Variants in KIAA0232 observed in about 807,000 individuals in gnomAD.
The protein encoded by KIAA0232 is KIAA0232.
In KIAA0232, 27 loss-of-function variants were observed where a neutral mutation model predicts 122.0. The ratio of observed to expected loss-of-function variants is 0.22; its 90% CI spans 0.16 to 0.31. KIAA0232 has a LOEUF of 0.31. Among genes scored for constraint, KIAA0232 ranks in the 10% least tolerant of loss-of-function variants. The pLI is 1.00. For missense variants in KIAA0232, 1,551 were observed against 1,634.2 expected (o/e 0.95, Z 0.88); for synonymous variants, 613 against 587.6 (o/e 1.04, Z -0.63).
At chr4:6,865,461 G>A (rs944413941) in intron 7 of KIAA0232, among the ~76,000 whole-genome samples, 11 of 152,170 alleles carry the variant, frequency 7.2e-5, no homozygotes, top group Non-Finnish European at 8.8e-5. Flanking sequence ...CACCACGCCC[G>A]GCTAATTATT....
At chr4:6,850,307 C>G (rs894812943) in intron 4 of KIAA0232, among the ~76,000 whole-genome samples, 3 of 152,164 alleles carry the variant, frequency 2.0e-5, no homozygotes, top group Non-Finnish European at 2.9e-5. Context: ...TGTACGCTTT[C>G]CTAATGACTT....
intron 1 of KIAA0232, among the ~76,000 whole-genome samples, chr4:6,803,833 G>C (rs1332455757): frequency 6.6e-6 from 1 of 151,882 alleles, no homozygotes; most frequent in Non-Finnish European, 1.5e-5. Context: ...CATTTACCTT[G>C]TAACATAGTA....
chr4:6,862,110 T>C lies in KIAA0232; in HGVS notation c.1728T>C (p.Ala576=). The C allele has an allele frequency of 5.0e-6, 8 of 1,614,240 alleles. No individual in the cohort carries two copies. Among genetic ancestry groups the C allele is most frequent in the Non-Finnish European group, 6.8e-6 (8 of 1,180,040 alleles). Residue 576 remains alanine, a synonymous_variant, in exon 7 of 10, where the codon GCT becomes GCC. Coordinates refer to ENST00000307659, the MANE Select transcript of KIAA0232 (RefSeq NM_014743.3). ...CAGATTCTACCAGCTCCGTAGGTGCTGAGGGCTTATTCCTGCAGGACCTTG... is the reference window on the plus strand; with the variant it reads ...CAGATTCTACCAGCTCCGTAGGTGCCGAGGGCTTATTCCTGCAGGACCTTG... ...IWTDSTSSVG[A]EGLFLQDLGN...
chr4:6,824,051 GA>G (rs141723630), intron 2 of KIAA0232, 133 bp from the exon 3 acceptor site: 7 of 374,362 alleles, frequency 1.9e-5, no homozygotes, highest in African/African-American at 1.0e-4. Flanking sequence ...ATGATGGGGG[GA>G]AAAATCAGTG....
chr4:6,880,679 G>A, intron 9 of KIAA0232, 108 bp from the exon 10 acceptor site: 1 of 773,340 alleles, frequency 1.3e-6, no homozygotes, highest in Non-Finnish European at 1.9e-6. Flanking sequence ...TAACTCCACA[G>A]GAAAACACTG....
At chr4:6,823,223 A>G (rs573676724) in intron 2 of KIAA0232, among the ~76,000 whole-genome samples, 72 of 152,040 alleles carry the variant, frequency 4.7e-4, no homozygotes, top group Middle Eastern at 3.4e-3. Flanking sequence ...ATTGTGAATA[A>G]TGCCGCAGTA....
At chr4:6,815,476 G>A (rs961455465) in intron 2 of KIAA0232, among the ~76,000 whole-genome samples, 5 of 152,162 alleles carry the variant, frequency 3.3e-5, no homozygotes, top group Admixed American at 6.5e-5. Flanking sequence ...TATTCTGTAC[G>A]TGGGTCATCT....
At chr4:6,828,990 C>G (rs1718833683) in intron 3 of KIAA0232, among the ~76,000 whole-genome samples, 1 of 151,748 alleles carries the variant, frequency 6.6e-6, no homozygotes, top group African/African-American at 2.4e-5. Flanking sequence ...TCTCCCTCAT[C>G]TAGTATCTAG....
chr4:6,852,067 GTA>G (rs1222761179), intron 4 of KIAA0232, among the ~76,000 whole-genome samples: 1 of 151,780 alleles, frequency 6.6e-6, no homozygotes, highest in African/African-American at 2.4e-5. Context: ...ATTCTAAAGA[GTA>G]TATAATCTGT....
intron 1 of KIAA0232, among the ~76,000 whole-genome samples, chr4:6,786,931 CCAG>C (rs1716647410): frequency 6.6e-6 from 1 of 152,066 alleles, no homozygotes; most frequent in Non-Finnish European, 1.5e-5. Flanking sequence ...GCCTGTAATT[CCAG>C]CACCTTGGGA....
chr4:6,871,668 C>T lies in KIAA0232; in HGVS notation c.3896C>T (p.Ala1299Val). ...EKALYSPLFPASECEECYTNA... is the reference protein window; with the variant it reads ...EKALYSPLFPVSECEECYTNA... ...GCCTTGTACTCTCCTCTTTTTCCTG[C>T]ATCAGAGTGTGAAGGTAAGGAGACC... Residue 1299 changes from alanine to valine, a missense_variant, in exon 8 of 10, where the codon GCA becomes GTA. By Grantham distance (64) the Ala-to-Val change is moderately conservative. Coordinates refer to ENST00000307659, the MANE Select transcript of KIAA0232 (RefSeq NM_014743.3). The T allele has an allele frequency of 6.2e-7, 1 of 1,602,034 alleles. No homozygotes were observed. Among genetic ancestry groups the T allele is most frequent in the Non-Finnish European group, 8.5e-7 (1 of 1,169,670 alleles).
At chr4:6,834,786 A>C (rs1719175793) in intron 3 of KIAA0232, among the ~76,000 whole-genome samples, 1 of 152,234 alleles carries the variant, frequency 6.6e-6, no homozygotes, top group South Asian at 2.1e-4. Context: ...TTGATGGTAC[A>C]TATAGATAGA....
intron 1 of KIAA0232, among the ~76,000 whole-genome samples, chr4:6,784,927 G>A (rs1716545883): frequency 6.7e-6 from 1 of 150,242 alleles, no homozygotes; most frequent in Non-Finnish European, 1.5e-5. Flanking sequence ...CATTTAAGAA[G>A]ATCAGATGAA....
At chr4:6,879,528 G>T (rs920194561) in intron 9 of KIAA0232, among the ~76,000 whole-genome samples, 2 of 152,164 alleles carry the variant, frequency 1.3e-5, no homozygotes, top group African/African-American at 4.8e-5. Context: ...CCCTTACTCT[G>T]TGTGGCTTTT....
At chr4:6,785,792 A>C (rs1457575037) in intron 1 of KIAA0232, among the ~76,000 whole-genome samples, 1 of 152,158 alleles carries the variant, frequency 6.6e-6, no homozygotes, top group East Asian at 1.9e-4. Context: ...TCTGGCCCCC[A>C]GTCATCTCTG....
intron 7 of KIAA0232, chr4:6,866,262 T>G: frequency 1.0e-6 from 1 of 980,156 alleles, no homozygotes; most frequent in Non-Finnish European, 1.2e-6. Context: ...CTTCGCTTTC[T>G]AGTATGTTGA....
chr4:6,871,206 G>A (rs1489100139), intron 7 of KIAA0232, among the ~76,000 whole-genome samples: 3 of 152,222 alleles, frequency 2.0e-5, no homozygotes, highest in African/African-American at 7.2e-5. Context: ...GCCAAGCTTG[G>A]CAGATTGCTT....
At chr4:6,793,403 C>G (rs1054159218) in intron 1 of KIAA0232, among the ~76,000 whole-genome samples, 1 of 152,140 alleles carries the variant, frequency 6.6e-6, no homozygotes, top group African/African-American at 2.4e-5. Context: ...GAAGTTGGTA[C>G]TGAACTGTAG....
chr4:6,787,764 T>G (rs1046517627), intron 1 of KIAA0232, among the ~76,000 whole-genome samples: 2 of 152,228 alleles, frequency 1.3e-5, no homozygotes, highest in African/African-American at 4.8e-5. Context: ...TTGCCAGAAT[T>G]ATTTAATAGG....
Sources: gnomAD v4.1 joint callset for allele counts (sites outside exome capture counted in the v4.1 genomes callset) on GRCh38, gnomAD v4.1.1 for gene constraint, MANE v1.5 for transcripts, NCBI Gene and HGNC (gene_info 2026-07-23, HGNC 2026-07-21) for gene names.